The following CAMTA1 variants were observed in gnomAD, a reference collection of about 807,000 sequenced individuals.
CAMTA1 encodes the protein calmodulin binding transcription activator 1.
CAMTA1 carries 27 observed loss-of-function variants against 170.9 expected under a neutral mutation model. The observed-to-expected ratio is 0.16, with a 90% confidence interval of 0.12 to 0.22. The LOEUF (loss-of-function observed/expected upper bound fraction) is 0.22, where lower values mean the gene tolerates loss of function less well. Among genes scored for constraint, CAMTA1 ranks in the 10% least tolerant of loss-of-function variants. The probability of loss-of-function intolerance (pLI) is 1.00; values close to 1 mark genes in which losing one functional copy is unlikely to be tolerated. For synonymous variants in CAMTA1, 833 were observed against 891.5 expected (o/e 0.93, Z 1.17); for missense variants, 1,619 against 2,217.2 (o/e 0.73, Z 5.42).
intron 3 of CAMTA1, among the ~76,000 whole-genome samples, chr1:7,061,651 T>C (rs1325114251): frequency 6.8e-6 from 1 of 146,664 alleles, no homozygotes; most frequent in African/African-American, 2.5e-5. Flanking sequence ...GGAAACCAGC[T>C]GTGCAAAGGC....
intron 4 of CAMTA1, among the ~76,000 whole-genome samples, chr1:7,155,580 G>A (rs1268746500): frequency 1.3e-5 from 2 of 151,616 alleles, no homozygotes; most frequent in Non-Finnish European, 2.9e-5. Flanking sequence ...CCACAGGTGG[G>A]TGCCACCATG....
intron 4 of CAMTA1, among the ~76,000 whole-genome samples, chr1:7,104,089 C>T (rs1643265531): frequency 6.8e-6 from 1 of 147,922 alleles, no homozygotes; most frequent in African/African-American, 2.5e-5. Context: ...GTACACACAA[C>T]ACACATACAC....
chr1:7,127,037 G>A (rs1286968967), intron 4 of CAMTA1, among the ~76,000 whole-genome samples: 1 of 152,104 alleles, frequency 6.6e-6, no homozygotes, highest in African/African-American at 2.4e-5. Flanking sequence ...CCAAAGCGCT[G>A]GGATTACAGG....
chr1:7,478,033 TA>T (rs2093450086), intron 6 of CAMTA1, among the ~76,000 whole-genome samples: 1 of 152,200 alleles, frequency 6.6e-6, no homozygotes, highest in Non-Finnish European at 1.5e-5. Flanking sequence ...TAAAATAAAA[TA>T]AAATACCTCC....
intron 4 of CAMTA1, among the ~76,000 whole-genome samples, chr1:7,151,910 G>GT (rs1176516549): frequency 1.3e-5 from 2 of 152,186 alleles, no homozygotes; most frequent in South Asian, 2.1e-4. Context: ...GTTATAATGT[G>GT]TTTTTTTAAA....
chr1:6,854,275 G>A (rs1048683843), intron 3 of CAMTA1, among the ~76,000 whole-genome samples: 2 of 152,152 alleles, frequency 1.3e-5, no homozygotes, highest in Non-Finnish European at 2.9e-5. Context: ...GATACCTATC[G>A]TGTCACAGTT....
At chr1:7,506,024 T>G (rs995806497) in intron 6 of CAMTA1, among the ~76,000 whole-genome samples, 7 of 152,136 alleles carry the variant, frequency 4.6e-5, no homozygotes, top group Admixed American at 3.3e-4. Flanking sequence ...GGCAGAGCTC[T>G]TCACATCAGT....
intron 5 of CAMTA1, among the ~76,000 whole-genome samples, chr1:7,365,278 A>G (rs1242403873): frequency 6.6e-6 from 1 of 152,254 alleles, no homozygotes; most frequent in African/African-American, 2.4e-5. Flanking sequence ...CCATTCAGGC[A>G]TCAGAAAATC....
At chr1:7,157,060 T>C (rs1341033315) in intron 4 of CAMTA1, among the ~76,000 whole-genome samples, 6 of 152,076 alleles carry the variant, frequency 3.9e-5, no homozygotes, top group Non-Finnish European at 8.8e-5. Flanking sequence ...ATAAAAACTT[T>C]TGGCCGGGCG....
chr1:7,717,508 G>A (rs1224618194), intron 11 of CAMTA1, among the ~76,000 whole-genome samples: 1 of 152,144 alleles, frequency 6.6e-6, no homozygotes, highest in Non-Finnish European at 1.5e-5. Context: ...CACTTTGGGA[G>A]GCTGAGGCAA....
At chr1:7,602,622 A>AT (rs1240617491) in intron 6 of CAMTA1, among the ~76,000 whole-genome samples, 1 of 152,054 alleles carries the variant, frequency 6.6e-6, no homozygotes, top group Non-Finnish European at 1.5e-5. Flanking sequence ...GGATTTATTG[A>AT]TTTTTTGAAG....
At chr1:7,733,919 G>A (rs11121010) in intron 12 of CAMTA1, among the ~76,000 whole-genome samples, 68,467 of 151,956 alleles carry the variant, frequency 0.45, 16,027 homozygotes, top group Admixed American at 0.56. Context: ...AACTTGGCAC[G>A]CAGTAGAATA....
chr1:6,852,126 A>G (rs1232169902), intron 3 of CAMTA1, among the ~76,000 whole-genome samples: 2 of 152,180 alleles, frequency 1.3e-5, no homozygotes, highest in South Asian at 2.1e-4. Context: ...TCAGAAGGCA[A>G]TGAACTAATG....
At position 7,646,341 on chromosome 1, in the gene CAMTA1, G is replaced by A. The variant is rs188382327; in HGVS notation, c.664+5788G>A. 6.1e-4 allele frequency among the ~76,000 whole-genome samples: 92 copies of A among 150,084 alleles called. 2 individuals are homozygous for A. In the East Asian group the frequency reaches 0.015, roughly 25 times the overall value. ...GTGAGTTGGGTGGAGGCCACGGTGA[G>A]TTGGGTGGAGGCCCTGGTAAGTTGG... On this transcript the variant is annotated intron_variant, in intron 7 of 22. Transcript: ENST00000303635.
intron 3 of CAMTA1, 117 bp downstream of exon 3, chr1:6,825,327 T>C: frequency 1.7e-6 from 1 of 579,302 alleles, no homozygotes; most frequent in Middle Eastern, 4.3e-4. Flanking sequence ...TAGGAAATTG[T>C]AAATGACATT....
chr1:7,739,629 G>A (rs2096796461), intron 16 of CAMTA1, among the ~76,000 whole-genome samples: 1 of 152,202 alleles, frequency 6.6e-6, no homozygotes, highest in Non-Finnish European at 1.5e-5. Flanking sequence ...TATGGTGGCA[G>A]GCAAGAGAGA....
intron 4 of CAMTA1, among the ~76,000 whole-genome samples, chr1:7,167,570 C>T (rs185313580): frequency 2.0e-5 from 3 of 152,272 alleles, no homozygotes; most frequent in South Asian, 4.2e-4. Context: ...TATATATGTT[C>T]TGCATTTCAC....
At chr1:6,983,909 T>G (rs1392001146) in intron 3 of CAMTA1, among the ~76,000 whole-genome samples, 2 of 87,692 alleles carry the variant, frequency 2.3e-5, no homozygotes, top group African/African-American at 9.1e-5. Flanking sequence ...GATTGATGAT[T>G]GGGTGGGTGG....
rs1268150823 is a variant in CAMTA1, at chr1:7,224,550, T to A, written c.303-24941T>A. ...TATTATTTTTCAGGAATCTGCTGTG[T>A]ACGGGTTTTATTTTTAAATGTCATC... On this transcript the variant is annotated intron_variant, in intron 4 of 22. Coordinates refer to ENST00000303635, the MANE Select transcript of CAMTA1 (RefSeq NM_015215.4). This position sits in a 1 kb window ranked among gnomAD's most constrained non-coding sequence, Gnocchi z 5.2. 6.6e-6 allele frequency among the ~76,000 whole-genome samples: 1 copy of A among 152,240 alleles called. No individual in the cohort carries two copies. Among genetic ancestry groups the A allele is most frequent in the Non-Finnish European group, 1.5e-5 (1 of 68,046 alleles).
Sources: allele counts gnomAD v4.1 joint callset (sites outside exome capture counted in the v4.1 genomes callset), GRCh38; gene constraint gnomAD v4.1.1; non-coding constraint Gnocchi (gnomAD v3.1); transcripts MANE v1.5; gene names NCBI Gene and HGNC (gene_info 2026-07-23, HGNC 2026-07-21).